Variants in ABHD18 observed in about 807,000 individuals in gnomAD.
The protein encoded by ABHD18 is abhydrolase domain containing 18.
In ABHD18, 55 loss-of-function variants were observed where a neutral mutation model predicts 65.9. The ratio of observed to expected loss-of-function variants is 0.84; its 90% CI spans 0.67 to 1.05. The LOEUF is 1.05. ABHD18 is among the 50% of genes least tolerant of loss of function. The pLI is 0.00. For synonymous variants in ABHD18, 181 were observed against 180.2 expected (o/e 1.00, Z -0.04); for missense variants, 533 against 558.5 (o/e 0.95, Z 0.46).
At chr4:127,973,290 A>G (rs1747209596) in intron 1 of ABHD18, among the ~76,000 whole-genome samples, 1 of 152,196 alleles carries the variant, frequency 6.6e-6, no homozygotes, top group Admixed American at 6.5e-5. Flanking sequence ...TACTGGGATT[A>G]CAGATGTAAG....
chr4:128,024,918 C>T (rs1232464969), intron 10 of ABHD18, among the ~76,000 whole-genome samples: 1 of 152,120 alleles, frequency 6.6e-6, no homozygotes, highest in South Asian at 2.1e-4. Flanking sequence ...TCTCGAACTC[C>T]TGGCCTGAGG....
intron 4 of ABHD18, among the ~76,000 whole-genome samples, chr4:128,000,232 T>C (rs774625390): frequency 3.3e-5 from 5 of 152,220 alleles, no homozygotes; most frequent in Non-Finnish European, 7.3e-5. Context: ...CCTAGGTTTT[T>C]CTTCTGGGGT....
chr4:128,011,495 T>TTA (rs1553964861), intron 6 of ABHD18, among the ~76,000 whole-genome samples, 178 bp from the exon 7 acceptor site: 1 of 149,264 alleles, frequency 6.7e-6, no homozygotes, highest in Non-Finnish European at 1.5e-5. Context: ...TTTTTTTTTT[T>TTA]AAAAAAAAGG....
chr4:128,015,325 TA>T (rs774333750), intron 7 of ABHD18, among the ~76,000 whole-genome samples: 2 of 152,330 alleles, frequency 1.3e-5, no homozygotes, highest in South Asian at 4.1e-4. Flanking sequence ...AAAGCCATCT[TA>T]AGTCTGTTTT....
chr4:127,972,979 A>G (rs1487185811), intron 1 of ABHD18, among the ~76,000 whole-genome samples: 7 of 152,042 alleles, frequency 4.6e-5, no homozygotes, highest in Admixed American at 4.6e-4. Context: ...CATGATTTAG[A>G]CAATCTTTTC....
chr4:128,007,999 C>T (rs566046811), intron 4 of ABHD18, among the ~76,000 whole-genome samples: 2 of 152,092 alleles, frequency 1.3e-5, no homozygotes, highest in South Asian at 4.2e-4. Context: ...CATGGTGGCT[C>T]ACACCTGTAA....
intron 7 of ABHD18, among the ~76,000 whole-genome samples, chr4:128,012,462 A>C (rs1003981489): frequency 3.3e-5 from 5 of 152,230 alleles, no homozygotes; most frequent in Admixed American, 1.3e-4. Flanking sequence ...GACCCTAGAC[A>C]CTAGGAATAC....
chr4:128,000,922 G>A (rs1752539425), intron 4 of ABHD18, among the ~76,000 whole-genome samples: 1 of 152,106 alleles, frequency 6.6e-6, no homozygotes, highest in Non-Finnish European at 1.5e-5. Context: ...TTGTGTTCTT[G>A]ATTTGGCTCT....
Position 128,020,136 on chromosome 4 carries a change from G to C in ABHD18, c.666G>C (p.Leu222=). 6.2e-7 allele frequency: 1 copy of C among 1,613,632 alleles called. No individual in the cohort carries two copies. The highest frequency in any genetic ancestry group is 2.2e-5 in the East Asian group (1 of 44,868). Residue 222 remains leucine, a synonymous_variant, in exon 9 of 13, where the codon CTG becomes CTC. Coordinates refer to ENST00000645843, the MANE Select transcript of ABHD18 (RefSeq NM_001358451.3). ...AGCCCATGCCATTGATTCCATGCCTGTCTTGGTCCACAGCATCTGGGGTCT... is the reference window on the plus strand; with the variant it reads ...AGCCCATGCCATTGATTCCATGCCTCTCTTGGTCCACAGCATCTGGGGTCT... The part of the protein sequence containing the change: ...WPKPMPLIPC[L]SWSTASGVFT...
chr4:128,019,038 A>T lies in ABHD18; in HGVS notation c.610-1042A>T, dbSNP rs148342990. ...CAAAAAAAAAAAAAAAAAAAATTCAAAACAACTACCTGACAGTGAAACAAA... is the reference window on the plus strand; with the variant it reads ...CAAAAAAAAAAAAAAAAAAAATTCATAACAACTACCTGACAGTGAAACAAA... On this transcript the variant is annotated intron_variant, in intron 8 of 12. Transcript: ENST00000645843. 2.1e-3 allele frequency among the ~76,000 whole-genome samples: 317 copies of T among 152,094 alleles called. 9 individuals carry two copies. The East Asian group carries it at 0.04, about 19-fold the overall frequency.
chr4:128,032,278 A>G (rs1486408974), intron 12 of ABHD18, among the ~76,000 whole-genome samples: 1 of 152,202 alleles, frequency 6.6e-6, no homozygotes, highest in Non-Finnish European at 1.5e-5. Context: ...AGTCACTACT[A>G]AGCTATTTGA....
At chr4:128,027,798 C>T (rs1185628495) in intron 10 of ABHD18, among the ~76,000 whole-genome samples, 1 of 151,976 alleles carries the variant, frequency 6.6e-6, no homozygotes, top group East Asian at 1.9e-4. Flanking sequence ...AGTTGTAAGA[C>T]TTTTGGAAGT....
intron 10 of ABHD18, among the ~76,000 whole-genome samples, chr4:128,023,286 C>T (rs1213554913): frequency 6.6e-6 from 1 of 151,116 alleles, no homozygotes; most frequent in Non-Finnish European, 1.5e-5. Context: ...TTTATCGGGA[C>T]CAGGCGTGGT....
intron 7 of ABHD18, among the ~76,000 whole-genome samples, chr4:128,014,517 G>A (rs1560901854): frequency 6.6e-6 from 1 of 152,122 alleles, no homozygotes; most frequent in East Asian, 1.9e-4. Flanking sequence ...CTTCCATGTA[G>A]AAGTGTTGTG....
chr4:127,993,545 A>G (rs956986414), intron 4 of ABHD18, among the ~76,000 whole-genome samples: 8 of 152,108 alleles, frequency 5.3e-5, no homozygotes, highest in Admixed American at 3.9e-4. Flanking sequence ...AATTTATCTT[A>G]TTGCATTAAA....
chr4:127,989,431 T>A (rs892563647), intron 3 of ABHD18, among the ~76,000 whole-genome samples: 2 of 152,138 alleles, frequency 1.3e-5, no homozygotes, highest in Non-Finnish European at 2.9e-5. Context: ...ATTGGAATGT[T>A]CCTAACACAA....
intron 11 of ABHD18, among the ~76,000 whole-genome samples, chr4:128,030,245 C>G (rs1247612925): frequency 6.6e-6 from 1 of 152,186 alleles, no homozygotes; most frequent in African/African-American, 2.4e-5. Flanking sequence ...ATCAAAATAT[C>G]TCATGTAACC....
chr4:128,035,574 A>C (rs1270352930), intron 12 of ABHD18, among the ~76,000 whole-genome samples, 188 bp from the exon 13 acceptor site: 1 of 152,164 alleles, frequency 6.6e-6, no homozygotes, highest in Non-Finnish European at 1.5e-5. Context: ...CCTGTCTCAA[A>C]AGAAAAAAAA....
rs60505265 is a variant in ABHD18 at position 128,028,774 on chromosome 4, C to A, written c.1101C>A (p.Ser367Arg). 0.03 allele frequency: 47,580 copies of A among 1,611,946 alleles called. 2,922 individuals carry two copies. The highest frequency in any genetic ancestry group is 0.29 in the East Asian group (13,092 of 44,784). ...QSYHLLSKEQ[S>R]RNSLRKESLI... ...ACCACCTACTTAGTAAAGAACAAAG[C>A]AGAAACAGTCTTCGGAAAGAGTCTT... The change falls in exon 11 of 13, where the codon AGC becomes AGA. Residue 367 changes from serine (S) to arginine (R), a missense_variant. This residue lies in a region of ABHD18 where 220 missense variants were observed against 226.8 expected (regional missense o/e 0.97). Transcript: ENST00000645843.
Sources: gnomAD v4.1 joint callset for allele counts (sites outside exome capture counted in the v4.1 genomes callset) on GRCh38, gnomAD v4.1.1 for gene constraint, gnomAD v4.1.1 regional missense constraint, MANE v1.5 for transcripts, NCBI Gene and HGNC (gene_info 2026-07-23, HGNC 2026-07-21) for gene names.